Variants in DACH1 observed in about 807,000 individuals in gnomAD.
The protein encoded by DACH1 is dachshund homolog 1.
Under a neutral mutation model 54.2 loss-of-function variants are expected in DACH1, and 12 were observed. The ratio of observed to expected loss-of-function variants is 0.22; its 90% confidence interval spans 0.14 to 0.36. The LOEUF is 0.36. Among genes scored for constraint, DACH1 ranks in the 10% least tolerant of loss-of-function variants. The pLI is 1.00. For synonymous variants in DACH1, 386 were observed against 366.2 expected, an observed-to-expected ratio of 1.05 and a Z score of -0.62; for missense variants, 805 against 929.8, an observed-to-expected ratio of 0.87 and a Z score of 1.75.
chr13:71,745,289 G>A (rs1305936726), intron 1 of DACH1, among the ~76,000 whole-genome samples: 1 of 152,132 alleles, frequency 6.6e-6, no homozygotes, highest in Non-Finnish European at 1.5e-5. Context: ...GAGAACATAT[G>A]TAATAGGCAC....
Position 71,572,989 on chromosome 13 carries a change from T to C in DACH1, c.1150A>G (p.Met384Val). 1.2e-6 allele frequency: 2 copies of C among 1,614,000 alleles called. No homozygotes were observed. Among genetic ancestry groups the C allele is most frequent in the South Asian group, 2.2e-5 (2 of 91,068 alleles). Residue 384 changes from methionine to valine, a missense_variant, in exon 4 of 11, where the codon ATG becomes GTG. This residue lies in a region of DACH1 where 472 missense variants were observed against 545.3 expected (regional missense o/e 0.87). Transcript: ENST00000613252. ...CTGACAGGAATTAGAGGGTGGGGCA[T>C]CATCATAAAAGGAAGTTCCAGTCCT... is the stretch of plus-strand genomic sequence containing the variant. ...SVGLELPFMMMPHPLIPVSLP... is the reference protein window; with the variant it reads ...SVGLELPFMMVPHPLIPVSLP...
chr13:71,536,735 C>T (rs1316715599), intron 6 of DACH1, among the ~76,000 whole-genome samples: 2 of 152,042 alleles, frequency 1.3e-5, no homozygotes, highest in East Asian at 3.9e-4. Flanking sequence ...ATAGACTTCA[C>T]AAAGCATGCA....
chr13:71,552,842 TAG>T (rs1167871695), intron 6 of DACH1, among the ~76,000 whole-genome samples: 344 of 12,462 alleles, frequency 0.028, 16 homozygotes, highest in East Asian at 0.038. Context: ...TATATATATA[TAG>T]AGAGAGAGAG....
intron 1 of DACH1, among the ~76,000 whole-genome samples, chr13:71,851,990 G>A (rs1207983590): frequency 3.3e-5 from 5 of 152,096 alleles, no homozygotes; most frequent in Non-Finnish European, 4.4e-5. Context: ...TAAACTACAC[G>A]TTTACATGGC....
At chr13:71,572,693 A>G (rs1227420713) in intron 4 of DACH1, 147 bp downstream of exon 4, 3 of 826,288 alleles carry the variant, frequency 3.6e-6, no homozygotes, top group Admixed American at 6.3e-5. Flanking sequence ...CCCTGGGGCC[A>G]TTTGCTACAA....
At chr13:71,591,220 TCA>T (rs567844384) in intron 3 of DACH1, among the ~76,000 whole-genome samples, 244 of 152,090 alleles carry the variant, frequency 1.6e-3, no homozygotes, top group African/African-American at 5.5e-3. Flanking sequence ...TTATTCTCCT[TCA>T]CACTACTTCC....
intron 4 of DACH1, among the ~76,000 whole-genome samples, chr13:71,570,268 T>C (rs1408242250): frequency 6.6e-6 from 1 of 152,192 alleles, no homozygotes; most frequent in Non-Finnish European, 1.5e-5. Flanking sequence ...TAAGCATCTA[T>C]AACTGCTTAG....
chr13:71,507,480 A>T (rs1230606606), intron 6 of DACH1, among the ~76,000 whole-genome samples: 1 of 152,186 alleles, frequency 6.6e-6, no homozygotes, highest in Admixed American at 6.5e-5. Flanking sequence ...CTTTTTATGA[A>T]ATGCAATTAA....
intron 1 of DACH1, among the ~76,000 whole-genome samples, chr13:71,833,382 T>A (rs1331127520): frequency 6.6e-6 from 1 of 152,078 alleles, no homozygotes; most frequent in Non-Finnish European, 1.5e-5. Flanking sequence ...AAACTAAATT[T>A]TGTTTGAAAG....
chr13:71,460,681 A>T (rs1875993443), intron 10 of DACH1, among the ~76,000 whole-genome samples: 1 of 152,056 alleles, frequency 6.6e-6, no homozygotes, highest in Non-Finnish European at 1.5e-5. Context: ...GGGTGTAAAA[A>T]GGAGCAATAA....
In DACH1 at chr13:71,681,859, C is replaced by A. The variant is rs148288565; in HGVS notation, c.900G>T (p.Glu300Asp). 71 of 1,613,950 alleles carry A rather than the reference C, an allele frequency of 4.4e-5. No homozygotes were observed. Among genetic ancestry groups the A allele is most frequent in the East Asian group, 1.6e-4 (7 of 44,874 alleles). ...PKRTQSVTSP[E>D]NSHIMPHSVP... ...CAGAATGCGGCATGATGTGAGAGTT[C>A]TCTGGGGAGGTGACACTTTGAGTCC... Residue 300 changes from glutamate to aspartate, a missense_variant, in exon 2 of 11, where the codon GAG becomes GAT. By Grantham distance (45) the Glu-to-Asp change is conservative. This residue lies in a region of DACH1 where 472 missense variants were observed against 545.3 expected (regional missense o/e 0.87). Transcript: ENST00000613252.
intron 2 of DACH1, among the ~76,000 whole-genome samples, chr13:71,643,598 G>T (rs1176160448): frequency 6.6e-6 from 1 of 152,092 alleles, no homozygotes; most frequent in African/African-American, 2.4e-5. Context: ...TCTACAGAAG[G>T]TCAAAGGTTT....
Position 71,612,937 on chromosome 13 carries a change from A to G in DACH1, c.1126+17619T>C, listed in dbSNP as rs193245361. 3.3e-4 allele frequency among the ~76,000 whole-genome samples: 50 copies of G among 152,344 alleles called. No individual in the cohort carries two copies. In the East Asian group the frequency reaches 8.3e-3, roughly 25 times the overall value. On this transcript the variant is annotated intron_variant, in intron 3 of 10. Transcript: ENST00000613252. ...TTCAGGACTATTTGTTGAATAATTGACTGATAGTGCATGCCAGTCAATGTG... is the reference window on the plus strand; with the variant it reads ...TTCAGGACTATTTGTTGAATAATTGGCTGATAGTGCATGCCAGTCAATGTG...
At chr13:71,833,529 T>C (rs1888670275) in intron 1 of DACH1, among the ~76,000 whole-genome samples, 1 of 151,984 alleles carries the variant, frequency 6.6e-6, no homozygotes, top group Non-Finnish European at 1.5e-5. Flanking sequence ...TACAGTATCC[T>C]AATTTCAGGT....
intron 6 of DACH1, among the ~76,000 whole-genome samples, chr13:71,503,387 T>C (rs973308894): frequency 6.6e-6 from 1 of 152,194 alleles, no homozygotes; most frequent in Non-Finnish European, 1.5e-5. Context: ...GTTAATTTAT[T>C]AAACCTTTTA....
At chr13:71,505,750 C>T (rs968880114) in intron 6 of DACH1, among the ~76,000 whole-genome samples, 1 of 152,008 alleles carries the variant, frequency 6.6e-6, no homozygotes, top group African/African-American at 2.4e-5. Context: ...ACTAAGATTT[C>T]ATAAGAATGA....
chr13:71,854,622 C>G (rs1873883293), intron 1 of DACH1, among the ~76,000 whole-genome samples: 1 of 149,364 alleles, frequency 6.7e-6, no homozygotes, highest in African/African-American at 2.5e-5. Flanking sequence ...AACTTCATAT[C>G]ATCACCATTA....
intron 1 of DACH1, among the ~76,000 whole-genome samples, chr13:71,749,072 C>T (rs2137972754): frequency 6.6e-6 from 1 of 151,858 alleles, no homozygotes; most frequent in Middle Eastern, 3.4e-3. Context: ...GCCACCTCTG[C>T]CTTCTGGGTT....
At chr13:71,732,332 C>T (rs948346298) in intron 1 of DACH1, among the ~76,000 whole-genome samples, 1 of 152,068 alleles carries the variant, frequency 6.6e-6, no homozygotes, top group African/African-American at 2.4e-5. Flanking sequence ...CACCTGTAAT[C>T]CCAGCACTTT....
Sources: gnomAD v4.1 joint callset for allele counts (sites outside exome capture counted in the v4.1 genomes callset) on GRCh38, gnomAD v4.1.1 for gene constraint, gnomAD v4.1.1 regional missense constraint, MANE v1.5 for transcripts, NCBI Gene and HGNC (gene_info 2026-07-23, HGNC 2026-07-21) for gene names.